ZDHHC7: variants seen among roughly 807,000 people sequenced by gnomAD.
The protein encoded by ZDHHC7 is zDHHC palmitoyltransferase 7, also known as palmitoyltransferase ZDHHC7.
In ZDHHC7, 12 loss-of-function variants were observed where a neutral mutation model predicts 34.1. The ratio of observed to expected loss-of-function variants is 0.35; its 90% CI spans 0.23 to 0.57. The LOEUF (loss-of-function observed/expected upper bound fraction) is 0.57. Ranked by LOEUF, ZDHHC7 falls within the 20% of genes least tolerant of loss-of-function variation. ZDHHC7 has a pLI of 0.84. For synonymous variants in ZDHHC7, 185 were observed against 155.4 expected, an observed-to-expected ratio of 1.19 and a Z score of -1.42; for missense variants, 388 against 402.7, an observed-to-expected ratio of 0.96 and a Z score of 0.31.
intron 1 of ZDHHC7, among the ~76,000 whole-genome samples, chr16:85,004,245 T>C (rs2072689360): frequency 6.6e-6 from 1 of 151,396 alleles, no homozygotes; most frequent in Non-Finnish European, 1.5e-5. Flanking sequence ...TCTCCACATC[T>C]AGCTGATCAG....
rs79623702 is a variant in ZDHHC7 at position 84,986,098 on chromosome 16, C to T, written c.316-4104G>A. 8.0e-3 allele frequency among the ~76,000 whole-genome samples: 1,222 copies of T among 152,104 alleles called. 16 individuals are homozygous for T. The highest frequency in any genetic ancestry group is 0.027 in the African/African-American group (1,129 of 41,494). ...AAAGAGCCCTTTTAAAAGATACACA[C>T]GTTTACAAATGAAACAAAAGAATGA... On this transcript the variant is annotated intron_variant, in intron 3 of 7. Transcript: ENST00000313732.
the ZDHHC7 span, among the ~76,000 whole-genome samples, chr16:85,027,206 G>C: frequency 6.6e-6 from 1 of 152,008 alleles, no homozygotes; most frequent in African/African-American, 2.4e-5. Context: ...TCCATACCAA[G>C]TATCCAAGCC....
intron 3 of ZDHHC7, among the ~76,000 whole-genome samples, chr16:84,983,929 C>T (rs2072403143): frequency 6.7e-6 from 1 of 148,306 alleles, no homozygotes; most frequent in African/African-American, 2.5e-5. Flanking sequence ...GAGGTGGAAG[C>T]TGCAGTGAGC....
At chr16:85,002,590 G>C (rs2072667342) in intron 1 of ZDHHC7, among the ~76,000 whole-genome samples, 1 of 152,188 alleles carries the variant, frequency 6.6e-6, no homozygotes, top group Non-Finnish European at 1.5e-5. Context: ...ACAGCCAAGA[G>C]GGGCTGACGA....
intron 2 of ZDHHC7, 112 bp from the exon 3 acceptor site, chr16:84,990,747 A>G (rs1287696984): frequency 2.5e-6 from 2 of 802,134 alleles, no homozygotes; most frequent in East Asian, 2.7e-5. Flanking sequence ...GTCTAAATAC[A>G]CATAGTGGGA....
In ZDHHC7 at chr16:84,980,323, C is replaced by G. The variant is rs946163213; in HGVS notation, c.441-1038G>C. Reference sequence around the variant, plus strand: ...GCTCCCTGCCCGACCTCCACAGCACCTGACTTCCAAAACATTCCCATTTTA... The same window carrying G: ...GCTCCCTGCCCGACCTCCACAGCACGTGACTTCCAAAACATTCCCATTTTA... On this transcript the variant is annotated intron_variant, in intron 4 of 7. Transcript: ENST00000313732. Among the ~76,000 whole-genome samples the G allele has an allele frequency of 8.5e-5, 13 of 152,148 alleles. No individual in the cohort carries two copies. The East Asian group carries it at 1.9e-3, about 23-fold the overall frequency.
rs140155873 is a variant in ZDHHC7 at position 84,984,210 on chromosome 16, G to A, written c.316-2216C>T. Among the ~76,000 whole-genome samples, 837 of 151,898 alleles carry A rather than the reference G, an allele frequency of 5.5e-3. 5 individuals are homozygous for A. The highest frequency in any genetic ancestry group is 0.019 in the African/African-American group (808 of 41,456). On this transcript the variant is annotated intron_variant, in intron 3 of 7. Coordinates refer to ENST00000313732, the MANE Select transcript of ZDHHC7 (RefSeq NM_017740.3). ...AATTTTTCGTATTTTTAGTAGAGACGGGGTTTCGCCGTGTTGGCCAGGCTG... is the reference window on the plus strand; with the variant it reads ...AATTTTTCGTATTTTTAGTAGAGACAGGGTTTCGCCGTGTTGGCCAGGCTG...
chr16:85,000,077 C>T (rs760668678), intron 1 of ZDHHC7, among the ~76,000 whole-genome samples: 2 of 151,714 alleles, frequency 1.3e-5, no homozygotes, highest in East Asian at 1.9e-4. Flanking sequence ...GAGGTCGAGG[C>T]TGCAGTGAGC....
intron 1 of ZDHHC7, among the ~76,000 whole-genome samples, chr16:85,009,709 C>CTTTTTTTT (rs543110602): frequency 3.9e-5 from 5 of 126,626 alleles, no homozygotes; most frequent in Non-Finnish European, 5.0e-5. Context: ...GACTTTTTTT[C>CTTTTTTTT]TTTTTTTTTT....
At position 84,976,239 on chromosome 16, in the gene ZDHHC7, G is replaced by A. The variant is rs2072295112; in HGVS notation, c.*104C>T. ...TTGCTGCAAGCAATTGGTTTGTGTAGGTTCCAGTTGCCCTGTTGGTCACAG... is the reference window on the plus strand; with the variant it reads ...TTGCTGCAAGCAATTGGTTTGTGTAAGTTCCAGTTGCCCTGTTGGTCACAG... On this transcript the variant is annotated 3_prime_UTR_variant, in exon 8 of 8. Coordinates refer to ENST00000313732, the MANE Select transcript of ZDHHC7 (RefSeq NM_017740.3). The A allele has an allele frequency of 3.5e-6, 5 of 1,421,816 alleles. No individual in the cohort carries two copies. The highest frequency in any genetic ancestry group is 4.8e-6 in the Non-Finnish European group (5 of 1,035,578). 88.1% of individuals were successfully genotyped at this position (1,421,816 alleles called of 1,614,324 possible).
upstream of ZDHHC7, among the ~76,000 whole-genome samples, chr16:85,011,770 G>T (rs1388349608): frequency 6.6e-6 from 1 of 152,214 alleles, no homozygotes; most frequent in East Asian, 1.9e-4. Context: ...AAGCCACGCC[G>T]TTAGGCTGCG....
the ZDHHC7 span, among the ~76,000 whole-genome samples, chr16:85,024,471 T>C: frequency 6.6e-6 from 1 of 152,130 alleles, no homozygotes; most frequent in Non-Finnish European, 1.5e-5. Flanking sequence ...GACCTTGTGA[T>C]CCGCCCACCT....
Position 84,977,891 on chromosome 16 carries a change from AAGCCAGGAATGACACAT to A in ZDHHC7, c.619+16_619+32del. 1 of 1,566,698 alleles carries A rather than the reference AAGCCAGGAATGACACAT, an allele frequency of 6.4e-7. No homozygotes were observed. On this transcript the variant is annotated intron_variant, in intron 6 of 7. Transcript: ENST00000313732. ...CCCTTTCATCCAATAACAGCATGCA[AAGCCAGGAATGACACAT>A]AGCCAGGGAACTTACCAGTCCACTG...
chr16:84,981,929 T>C lies in ZDHHC7; in HGVS notation c.381A>G (p.Glu127=), dbSNP rs139520990. 2.5e-6 allele frequency: 4 copies of C among 1,614,100 alleles called. No individual in the cohort carries two copies. The highest frequency in any genetic ancestry group is 2.2e-5 in the East Asian group (1 of 44,892). The change falls in exon 4 of 8, where the codon GAA becomes GAG. Residue 127 remains glutamate (E), a synonymous_variant. Transcript: ENST00000313732. ...AGCACTTGGGGCACTTGTAGATGAC[T>C]TCCCCGGGCTTCAGCTGCAAGCTCT... ...YMESLQLKPG[E]VIYKCPKCCC...
intron 3 of ZDHHC7, chr16:84,988,733 C>A: frequency 1.9e-6 from 3 of 1,545,668 alleles, no homozygotes; most frequent in Non-Finnish European, 2.6e-6. Flanking sequence ...GCCAGGCTGA[C>A]CCTCCCCCAT....
chr16:85,008,563 G>A (rs1057245302), intron 1 of ZDHHC7, among the ~76,000 whole-genome samples: 1 of 151,830 alleles, frequency 6.6e-6, no homozygotes, highest in Admixed American at 6.6e-5. Flanking sequence ...GTCCTGTGTG[G>A]ACTGGCACTA....
At chr16:85,013,609 CTT>C (rs2072821821), upstream of ZDHHC7, among the ~76,000 whole-genome samples, 2 of 152,200 alleles carry the variant, frequency 1.3e-5, no homozygotes, top group East Asian at 3.9e-4. Context: ...TCGAGTTACT[CTT>C]TCCCAAGTTT....
At chr16:84,979,065 G>A (rs2072334362) in intron 5 of ZDHHC7, 124 bp downstream of exon 5, 14 of 902,722 alleles carry the variant, frequency 1.6e-5, no homozygotes, top group Non-Finnish European at 2.1e-5. Context: ...ATTATAATTT[G>A]AATCCTGGAG....
At chr16:84,988,381 C>T (rs887074246) in intron 3 of ZDHHC7, among the ~76,000 whole-genome samples, 2 of 152,152 alleles carry the variant, frequency 1.3e-5, no homozygotes, top group Admixed American at 6.5e-5. Context: ...GGACTACACA[C>T]GAGGATGGAT....
Sources: gnomAD v4.1 joint callset for allele counts (sites outside exome capture counted in the v4.1 genomes callset) on GRCh38, gnomAD v4.1.1 for gene constraint, MANE v1.5 for transcripts, NCBI Gene and HGNC (gene_info 2026-07-23, HGNC 2026-07-21) for gene names.